SPIDR: variants seen among roughly 807,000 people sequenced by gnomAD.
SPIDR encodes the protein scaffold protein involved in DNA repair.
In SPIDR, 93 loss-of-function variants were observed where a neutral mutation model predicts 104.6. That is an observed-to-expected ratio of 0.89 (90% CI 0.75 to 1.06). SPIDR has a LOEUF of 1.06. SPIDR is among the 50% of genes least tolerant of loss of function. The pLI is 0.00. For missense variants in SPIDR, 1,154 were observed against 1,111.2 expected, an observed-to-expected ratio of 1.04 and a Z score of -0.55; for synonymous variants, 431 against 416.9, an observed-to-expected ratio of 1.03 and a Z score of -0.41.
chr8:47,729,173 G>C (rs2084800093), intron 18 of SPIDR, 126 bp downstream of exon 18: 6 of 1,530,756 alleles, frequency 3.9e-6, no homozygotes, highest in Middle Eastern at 1.7e-4. Context: ...GGCTGGGATG[G>C]CTTGCATCTG....
At chr8:47,490,027 C>G (rs2078402854) in intron 8 of SPIDR, among the ~76,000 whole-genome samples, 1 of 152,184 alleles carries the variant, frequency 6.6e-6, no homozygotes, top group Admixed American at 6.5e-5. Context: ...TAAAGAGCTT[C>G]TGCACAGCAA....
rs574030623 is a variant in SPIDR, at chr8:47,421,508, C to T, written c.877+13547C>T. On this transcript the variant is annotated intron_variant, in intron 7 of 19. Coordinates refer to ENST00000297423, the MANE Select transcript of SPIDR (RefSeq NM_001080394.4). The stretch of plus-strand genomic sequence containing the variant: ...GCATTGGTTATTCTAGTTAGCCATT[C>T]GTCTAATCTTTTTTCAAGGTTTTTA... Among the ~76,000 whole-genome samples the T allele has an allele frequency of 1.2e-4, 19 of 152,226 alleles. No homozygotes were observed. The East Asian group carries it at 1.5e-3, about 12-fold the overall frequency.
chr8:47,621,145 C>T (rs1263989518), intron 10 of SPIDR, among the ~76,000 whole-genome samples: 3 of 151,674 alleles, frequency 2.0e-5, no homozygotes, highest in Non-Finnish European at 2.9e-5. Context: ...TTAGTAGAGA[C>T]GGGGTTTCAC....
At chr8:47,722,246 C>G (rs2083508832) in intron 16 of SPIDR, among the ~76,000 whole-genome samples, 2 of 152,178 alleles carry the variant, frequency 1.3e-5, no homozygotes, top group Non-Finnish European at 2.9e-5. Context: ...GCTGTAATCA[C>G]TTAGTAGTTC....
At chr8:47,413,925 CTGTT>C (rs1354554783) in intron 7 of SPIDR, among the ~76,000 whole-genome samples, 23 of 152,162 alleles carry the variant, frequency 1.5e-4, no homozygotes, top group Non-Finnish European at 8.8e-5. Flanking sequence ...ATTAGTTACT[CTGTT>C]TGGGCTGGAG....
intron 5 of SPIDR, among the ~76,000 whole-genome samples, chr8:47,294,589 A>G (rs1427598909): frequency 9.2e-5 from 14 of 152,224 alleles, no homozygotes; most frequent in African/African-American, 2.9e-4. Context: ...ATATAGTCGT[A>G]CTCGTGGCCA....
chr8:47,680,639 TA>T (rs2076979486), intron 11 of SPIDR, among the ~76,000 whole-genome samples: 2 of 152,218 alleles, frequency 1.3e-5, no homozygotes, highest in Admixed American at 1.3e-4. Context: ...GCCACCCTTT[TA>T]AAAAGCCACA....
intron 5 of SPIDR, among the ~76,000 whole-genome samples, chr8:47,381,283 C>T (rs1344903036): frequency 1.3e-5 from 2 of 152,202 alleles, no homozygotes; most frequent in Admixed American, 6.5e-5. Flanking sequence ...GAAACGCAGG[C>T]ATATGATAAC....
At chr8:47,724,428 G>A (rs573777497) in intron 16 of SPIDR, among the ~76,000 whole-genome samples, 2 of 152,344 alleles carry the variant, frequency 1.3e-5, no homozygotes, top group African/African-American at 4.8e-5. Context: ...ATCAGATCCA[G>A]GCAAGGCTGG....
At chr8:47,371,089 A>G (rs558796754) in intron 5 of SPIDR, among the ~76,000 whole-genome samples, 1 of 150,498 alleles carries the variant, frequency 6.6e-6, no homozygotes, top group African/African-American at 2.4e-5. Flanking sequence ...CAGCAGTGGG[A>G]CTGTTGATCA....
chr8:47,413,198 T>C (rs1554673022), intron 7 of SPIDR, among the ~76,000 whole-genome samples: 3 of 152,248 alleles, frequency 2.0e-5, no homozygotes, highest in African/African-American at 7.2e-5. Context: ...GGCCAGAACC[T>C]GAAGATATCA....
chr8:47,519,698 T>C (rs937876759), intron 8 of SPIDR, among the ~76,000 whole-genome samples: 2 of 152,098 alleles, frequency 1.3e-5, no homozygotes, highest in Non-Finnish European at 2.9e-5. Context: ...GGTGGCAGGA[T>C]TGTTTTAGTC....
intron 16 of SPIDR, among the ~76,000 whole-genome samples, chr8:47,716,991 G>A (rs1481904351): frequency 1.3e-5 from 2 of 152,184 alleles, no homozygotes; most frequent in Admixed American, 6.5e-5. Context: ...TGATTGGCAG[G>A]AAGAAGAGGG....
At chr8:47,596,579 G>A (rs886680348) in intron 9 of SPIDR, among the ~76,000 whole-genome samples, 1 of 152,216 alleles carries the variant, frequency 6.6e-6, no homozygotes. Context: ...GAGTCAGTGA[G>A]TGAGTGGGGA....
chr8:47,274,383 G>A (rs984603268), intron 1 of SPIDR, among the ~76,000 whole-genome samples: 10 of 152,074 alleles, frequency 6.6e-5, no homozygotes, highest in Admixed American at 5.2e-4. Context: ...TAAATTCTAT[G>A]TTCATTACTA....
chr8:47,426,201 C>A (rs1031948339), intron 7 of SPIDR, among the ~76,000 whole-genome samples: 2 of 152,120 alleles, frequency 1.3e-5, no homozygotes, highest in African/African-American at 4.8e-5. Flanking sequence ...TTGCAGTGAG[C>A]TGAGATCATG....
intron 16 of SPIDR, 40 bp from the exon 17 acceptor site, chr8:47,727,160 G>A (rs1461195850): frequency 6.3e-7 from 1 of 1,582,514 alleles, no homozygotes; most frequent in African/African-American, 1.3e-5. Flanking sequence ...AGAGAGGGCA[G>A]AGCCGCCTCT....
At chr8:47,688,240 A>T (rs1589205359) in intron 11 of SPIDR, among the ~76,000 whole-genome samples, 1 of 152,038 alleles carries the variant, frequency 6.6e-6, no homozygotes, top group East Asian at 1.9e-4. Flanking sequence ...CACCATTCTT[A>T]GTCTCCCTAG....
In SPIDR at chr8:47,317,553, A is replaced by G. The variant is rs1057360535; in HGVS notation, c.525+23523A>G. Among the ~76,000 whole-genome samples, 54 of 152,244 alleles carry G rather than the reference A, an allele frequency of 3.5e-4. 1 individual carries two copies. The South Asian group carries it at 0.011, about 32-fold the overall frequency. The stretch of plus-strand genomic sequence containing the variant: ...AGGGAATAACCAAGCAAAAGGCAGC[A>G]GAATCCTCTGTAGACTTAAATGTCT... On this transcript the variant is annotated intron_variant, in intron 5 of 19. Transcript: ENST00000297423.
Sources: allele counts gnomAD v4.1 joint callset (sites outside exome capture counted in the v4.1 genomes callset), GRCh38; gene constraint gnomAD v4.1.1; transcripts MANE v1.5; gene names NCBI Gene and HGNC (gene_info 2026-07-23, HGNC 2026-07-21).